The following CCDC171 variants were observed in gnomAD, a reference collection of about 807,000 sequenced individuals.
CCDC171 encodes the protein coiled-coil domain-containing protein 171.
CCDC171 carries 177 observed loss-of-function variants against 168.2 expected under a neutral mutation model. The ratio of observed to expected loss-of-function variants is 1.05; its 90% confidence interval spans 0.93 to 1.19. The LOEUF is 1.19. Among genes scored for constraint, CCDC171 ranks in the 50% most tolerant of loss-of-function variants. CCDC171 has a pLI of 0.00. For synonymous variants in CCDC171, 687 were observed against 540.8 expected (o/e 1.27, Z -3.75); for missense variants, 1,991 against 1,539.0 (o/e 1.29, Z -4.91).
At chr9:16,098,933 C>T in the CCDC171 span, among the ~76,000 whole-genome samples, 2 of 152,238 alleles carry the variant, frequency 1.3e-5, no homozygotes, top group East Asian at 1.9e-4. Flanking sequence ...TTTCCAGTGC[C>T]AAGTCCTGCA....
At chr9:15,619,730 A>G (rs1460524897) in intron 6 of CCDC171, among the ~76,000 whole-genome samples, 4 of 152,226 alleles carry the variant, frequency 2.6e-5, no homozygotes, top group Non-Finnish European at 4.4e-5. Context: ...ATTGCAGACA[A>G]AACAATCTTC....
At chr9:16,085,317 C>A in the CCDC171 span, among the ~76,000 whole-genome samples, 1 of 152,228 alleles carries the variant, frequency 6.6e-6, no homozygotes, top group Non-Finnish European at 1.5e-5. Context: ...TCTTACGACA[C>A]TGTTGGAAGG....
chr9:15,926,932 T>A (rs1353869497), intron 25 of CCDC171, among the ~76,000 whole-genome samples: 2 of 151,676 alleles, frequency 1.3e-5, no homozygotes, highest in Non-Finnish European at 3.0e-5. Context: ...AAGTACTGTA[T>A]TACCATTACT....
rs181921414 is a variant in CCDC171 at position 15,906,578 on chromosome 9, C to T, written c.3601-13692C>T. Among the ~76,000 whole-genome samples the T allele has an allele frequency of 5.3e-3, 814 of 152,204 alleles. 9 individuals carry two copies. The highest frequency in any genetic ancestry group is 0.018 in the African/African-American group (765 of 41,512). On this transcript the variant is annotated intron_variant, in intron 24 of 25. Transcript: ENST00000380701. Reference sequence around the variant, plus strand: ...CACAGCCAATATCATACTGAATGGGCAAAAACTGGAAGCATTCCCTCTGAA... The same window carrying T: ...CACAGCCAATATCATACTGAATGGGTAAAAACTGGAAGCATTCCCTCTGAA...
At chr9:15,915,907 A>G (rs976494563) in intron 24 of CCDC171, among the ~76,000 whole-genome samples, 1 of 152,144 alleles carries the variant, frequency 6.6e-6, no homozygotes, top group African/African-American at 2.4e-5. Context: ...TATGTGATAT[A>G]TCATGTTTGT....
chr9:16,059,510 T>C (rs1402297284), intron 1 of CCDC171, among the ~76,000 whole-genome samples: 24 of 77,304 alleles, frequency 3.1e-4, no homozygotes, highest in African/African-American at 4.7e-4. Context: ...TTTTTCTTTT[T>C]TTTTTTTTTT....
At chr9:15,778,625 T>G (rs62571303) in intron 19 of CCDC171, among the ~76,000 whole-genome samples, 44,769 of 112,420 alleles carry the variant, frequency 0.4, 9,725 homozygotes, top group East Asian at 0.67. Flanking sequence ...CAGCCTGGCC[T>G]ACAGAGTAAG....
intron 21 of CCDC171, among the ~76,000 whole-genome samples, chr9:15,835,815 A>G (rs886144998): frequency 1.3e-5 from 2 of 152,160 alleles, no homozygotes; most frequent in Non-Finnish European, 1.5e-5. Context: ...TGTCATTACT[A>G]TTTTGGTTTA....
intron 1 of CCDC171, among the ~76,000 whole-genome samples, chr9:16,049,866 C>G (rs1255799739): frequency 3.3e-5 from 5 of 152,102 alleles, no homozygotes; most frequent in African/African-American, 7.2e-5. Flanking sequence ...ATCAGGGAAG[C>G]CAGATATTAT....
chr9:15,807,172 C>T (rs2135888221), intron 21 of CCDC171, among the ~76,000 whole-genome samples: 1 of 152,280 alleles, frequency 6.6e-6, no homozygotes, highest in Admixed American at 6.5e-5. Context: ...TCTTCAATCT[C>T]AATGATCTTT....
rs544247794 is a variant in CCDC171, at chr9:16,046,098, C to T, written n.89+3212C>T. Among the ~76,000 whole-genome samples, 65 of 152,262 alleles carry T rather than the reference C, an allele frequency of 4.3e-4. 1 individual carries two copies. The highest frequency in any genetic ancestry group is 1.4e-3 in the African/African-American group (57 of 41,552). On this transcript the variant is annotated intron_variant and non_coding_transcript_variant, in intron 1 of 1. Transcript: ENST00000478913. ...AGACACAGTTATTGAGGGCAAAGTC[C>T]AGATTTGAATTCAGCTCTCCTTGCA...
chr9:16,071,875 A>T, the CCDC171 span, among the ~76,000 whole-genome samples: 1 of 152,014 alleles, frequency 6.6e-6, no homozygotes, highest in Non-Finnish European at 1.5e-5. Flanking sequence ...TCCATTTCAA[A>T]CTGACCCAAC....
chr9:15,901,876 C>T (rs952174276), intron 24 of CCDC171, among the ~76,000 whole-genome samples: 9 of 152,110 alleles, frequency 5.9e-5, no homozygotes, highest in Non-Finnish European at 1.2e-4. Context: ...AATTATTTTA[C>T]ATAGTACAGT....
intron 7 of CCDC171, among the ~76,000 whole-genome samples, chr9:15,648,687 C>A (rs1328654363): frequency 6.6e-6 from 1 of 152,130 alleles, no homozygotes; most frequent in African/African-American, 2.4e-5. Flanking sequence ...AATAAACTTA[C>A]AAGGGATGTG....
chr9:16,040,059 G>C (rs1833548007), upstream of CCDC171, among the ~76,000 whole-genome samples: 1 of 152,200 alleles, frequency 6.6e-6, no homozygotes, highest in Non-Finnish European at 1.5e-5. Flanking sequence ...GCACCTCACA[G>C]AGTTGTTGTT....
intron 4 of CCDC171, among the ~76,000 whole-genome samples, chr9:15,583,385 C>G (rs1026672784): frequency 3.6e-5 from 5 of 138,780 alleles, no homozygotes; most frequent in Non-Finnish European, 4.5e-5. Flanking sequence ...GCAGTCCAGT[C>G]TGGTGACAGC....
chr9:16,005,288 T>A (rs1832663910), intron 3 of CCDC171, among the ~76,000 whole-genome samples: 2 of 152,242 alleles, frequency 1.3e-5, no homozygotes, highest in Non-Finnish European at 2.9e-5. Flanking sequence ...CATAGCATAG[T>A]GTTTTCAAGA....
intron 11 of CCDC171, among the ~76,000 whole-genome samples, chr9:15,713,964 G>A (rs948438877): frequency 2.1e-4 from 32 of 151,830 alleles, no homozygotes; most frequent in Non-Finnish European, 1.5e-5. Flanking sequence ...ACTGGTTTTG[G>A]TGGTCTTTAC....
At chr9:15,795,713 C>T (rs1009967160) in intron 21 of CCDC171, among the ~76,000 whole-genome samples, 2 of 152,174 alleles carry the variant, frequency 1.3e-5, no homozygotes, top group Admixed American at 1.3e-4. Context: ...GGCTGCCCTA[C>T]TATGAAATGT....
Sources: gnomAD v4.1 joint callset for allele counts (sites outside exome capture counted in the v4.1 genomes callset) on GRCh38, gnomAD v4.1.1 for gene constraint, MANE v1.5 for transcripts, NCBI Gene and HGNC (gene_info 2026-07-23, HGNC 2026-07-21) for gene names.